NKAIN3: variants seen among roughly 807,000 people sequenced by gnomAD.
NKAIN3 encodes sodium/potassium-transporting ATPase subunit beta-1-interacting protein 3.
A neutral mutation model predicts 30.2 loss-of-function variants in NKAIN3; 25 were observed. That is an observed-to-expected ratio of 0.83 (90% CI 0.60 to 1.16). The LOEUF (loss-of-function observed/expected upper bound fraction) is 1.16, where lower values mean the gene tolerates loss of function less well. Among genes scored for constraint, NKAIN3 ranks in the 50% most tolerant of loss-of-function variants. The pLI is 0.00. For missense variants in NKAIN3, 225 were observed against 254.1 expected (o/e 0.89, Z 0.78); for synonymous variants, 91 against 89.6 (o/e 1.02, Z -0.09).
At chr8:62,939,058 A>C (rs1822870132) in intron 5 of NKAIN3, among the ~76,000 whole-genome samples, 1 of 152,202 alleles carries the variant, frequency 6.6e-6, no homozygotes, top group Admixed American at 6.5e-5. Flanking sequence ...AAATTTTAAA[A>C]CAATCACAAT....
intron 3 of NKAIN3, among the ~76,000 whole-genome samples, chr8:62,734,842 T>C (rs1815597284): frequency 6.6e-6 from 1 of 152,216 alleles, no homozygotes; most frequent in African/African-American, 2.4e-5. Context: ...TAAAATTTCA[T>C]CTTTCCTTTA....
chr8:62,723,947 T>A (rs1013448990), intron 3 of NKAIN3, among the ~76,000 whole-genome samples: 30 of 152,158 alleles, frequency 2.0e-4, no homozygotes, highest in African/African-American at 7.0e-4. Context: ...CTTCTTACTG[T>A]GTTTTCTCTG....
chr8:62,385,389 A>G (rs1259088906), intron 1 of NKAIN3, among the ~76,000 whole-genome samples: 1 of 152,188 alleles, frequency 6.6e-6, no homozygotes, highest in Admixed American at 6.5e-5. Context: ...AAACTCGGAG[A>G]AATGATGATT....
At chr8:62,321,918 C>T (rs1216184756) in intron 1 of NKAIN3, among the ~76,000 whole-genome samples, 3 of 152,316 alleles carry the variant, frequency 2.0e-5, no homozygotes, top group South Asian at 2.1e-4. Context: ...TTATGCCCTG[C>T]CCCCAGAGGT....
chr8:62,879,750 AC>A (rs1339265786), intron 4 of NKAIN3, among the ~76,000 whole-genome samples: 4 of 152,168 alleles, frequency 2.6e-5, no homozygotes, highest in Non-Finnish European at 5.9e-5. Context: ...TCATGGGAGT[AC>A]ATGTTGGTTT....
intron 1 of NKAIN3, among the ~76,000 whole-genome samples, chr8:62,270,869 CAA>C (rs1812756909): frequency 6.6e-6 from 1 of 152,164 alleles, no homozygotes; most frequent in Admixed American, 6.6e-5. Context: ...CAGTGAAAAA[CAA>C]GAGCAGTATT....
chr8:62,785,333 GGT>G (rs1178892451), intron 4 of NKAIN3, among the ~76,000 whole-genome samples: 1 of 152,042 alleles, frequency 6.6e-6, no homozygotes, highest in Non-Finnish European at 1.5e-5. Context: ...AAGACCACAT[GGT>G]ATATGATACC....
At chr8:62,592,338 T>C (rs962102837) in intron 3 of NKAIN3, among the ~76,000 whole-genome samples, 1 of 152,044 alleles carries the variant, frequency 6.6e-6, no homozygotes. Context: ...CTCTTGTGTT[T>C]TAAAAAGATC....
At chr8:62,922,246 T>G (rs1313974022) in intron 5 of NKAIN3, among the ~76,000 whole-genome samples, 4 of 152,236 alleles carry the variant, frequency 2.6e-5, no homozygotes, top group Non-Finnish European at 4.4e-5. Flanking sequence ...TCTACTGTCC[T>G]GAAGCTTCCT....
At chr8:62,817,017 G>A (rs371497018) in intron 4 of NKAIN3, among the ~76,000 whole-genome samples, 11 of 152,046 alleles carry the variant, frequency 7.2e-5, no homozygotes, top group African/African-American at 2.7e-4. Flanking sequence ...CCTCACAATG[G>A]GGAGCCTCTT....
intron 1 of NKAIN3, among the ~76,000 whole-genome samples, chr8:62,489,012 T>C (rs1563421981): frequency 6.6e-6 from 1 of 152,170 alleles, no homozygotes; most frequent in South Asian, 2.1e-4. Flanking sequence ...CCATTTATCA[T>C]AGGACAATCA....
intron 4 of NKAIN3, among the ~76,000 whole-genome samples, chr8:62,810,599 C>A (rs1043883448): frequency 2.0e-5 from 3 of 146,814 alleles, no homozygotes; most frequent in African/African-American, 7.5e-5. Flanking sequence ...TTTTATTTAC[C>A]ATATTATGTA....
At chr8:62,797,481 A>C (rs73256943) in intron 4 of NKAIN3, among the ~76,000 whole-genome samples, 1,610 of 152,282 alleles carry the variant, frequency 0.011, 21 homozygotes, top group South Asian at 0.031. Context: ...GAACGATGCA[A>C]AATGGAGTGC....
At chr8:62,859,365 A>G (rs1324052535) in intron 4 of NKAIN3, among the ~76,000 whole-genome samples, 1 of 152,018 alleles carries the variant, frequency 6.6e-6, no homozygotes, top group East Asian at 1.9e-4. Context: ...CTCCTGAGTA[A>G]CACAGAGGTA....
intron 3 of NKAIN3, among the ~76,000 whole-genome samples, chr8:62,690,660 G>A (rs1304077083): frequency 6.6e-6 from 1 of 152,156 alleles, no homozygotes; most frequent in Non-Finnish European, 1.5e-5. Context: ...CTGTGACAGA[G>A]GCACTCCCAG....
chr8:62,558,084 G>A (rs1809463359), intron 1 of NKAIN3, among the ~76,000 whole-genome samples: 1 of 151,990 alleles, frequency 6.6e-6, no homozygotes, highest in Admixed American at 6.6e-5. Flanking sequence ...TGATTTTTGT[G>A]TAAGGTGAGA....
At chr8:62,340,410 T>G (rs1340594802) in intron 1 of NKAIN3, among the ~76,000 whole-genome samples, 1 of 151,938 alleles carries the variant, frequency 6.6e-6, no homozygotes, top group Non-Finnish European at 1.5e-5. Flanking sequence ...GAGTTCTAGT[T>G]TCTATTACCT....
chr8:62,736,140 C>A (rs1292327293), intron 3 of NKAIN3, among the ~76,000 whole-genome samples: 2 of 152,162 alleles, frequency 1.3e-5, no homozygotes, highest in Non-Finnish European at 2.9e-5. Flanking sequence ...GGAGGTAGAG[C>A]TTTCAAGACA....
At chr8:62,324,697 A>G (rs576757960) in intron 1 of NKAIN3, among the ~76,000 whole-genome samples, 3 of 152,296 alleles carry the variant, frequency 2.0e-5, no homozygotes, top group South Asian at 4.1e-4. Context: ...AGAAAAGTTA[A>G]CAGAACAAGG....
Sources: allele counts gnomAD v4.1 joint callset (sites outside exome capture counted in the v4.1 genomes callset), GRCh38; gene constraint gnomAD v4.1.1; transcripts MANE v1.5; gene names NCBI Gene and HGNC (gene_info 2026-07-23, HGNC 2026-07-21).